The following TRPM1 variants were observed in gnomAD, a reference collection of about 807,000 sequenced individuals.
The protein encoded by TRPM1 is TRPM1-203 APA Isoform, Intron 10.
Under a neutral mutation model 149.4 loss-of-function variants are expected in TRPM1, and 113 were observed. The observed-to-expected ratio is 0.76, with a 90% CI of 0.65 to 0.88. The LOEUF (loss-of-function observed/expected upper bound fraction) is 0.88. TRPM1 is among the 40% of genes least tolerant of loss of function. The pLI, the probability that TRPM1 is intolerant of heterozygous loss-of-function variation, is 0.00. For missense variants in TRPM1, 1,976 were observed against 2,038.7 expected, an observed-to-expected ratio of 0.97 and a Z score of 0.59; for synonymous variants, 741 against 759.5, an observed-to-expected ratio of 0.98 and a Z score of 0.40.
chr15:31,117,474 G>A (rs1179378669), intron 1 of TRPM1, among the ~76,000 whole-genome samples: 2 of 150,878 alleles, frequency 1.3e-5, no homozygotes, highest in Admixed American at 6.6e-5. Flanking sequence ...CAACAAGATC[G>A]AAACTCTGTC....
chr15:31,045,583 GGGCAT>G (rs1316406141), intron 16 of TRPM1, among the ~76,000 whole-genome samples: 1 of 152,146 alleles, frequency 6.6e-6, no homozygotes, highest in African/African-American at 2.4e-5. Flanking sequence ...CAATGATATT[GGGCAT>G]GCTTGTCTTG....
chr15:31,082,979 G>T (rs2034902291), intron 1 of TRPM1, among the ~76,000 whole-genome samples: 1 of 152,050 alleles, frequency 6.6e-6, no homozygotes, highest in Admixed American at 6.5e-5. Context: ...ACAGGTGGGG[G>T]CGACCCACAA....
chr15:31,104,164 G>A (rs574500145), upstream of TRPM1, among the ~76,000 whole-genome samples: 1 of 152,152 alleles, frequency 6.6e-6, no homozygotes, highest in Non-Finnish European at 1.5e-5. Context: ...CGGGGGTGCA[G>A]TCCTTCTCCT....
intron 1 of TRPM1, among the ~76,000 whole-genome samples, chr15:31,115,281 A>C (rs1449710667): frequency 3.3e-5 from 5 of 152,142 alleles, no homozygotes; most frequent in Non-Finnish European, 7.4e-5. Flanking sequence ...ATAGATAAGT[A>C]AAAAGTAAAA....
Position 31,031,040 on chromosome 15 carries a change from T to C in TRPM1, c.3070A>G (p.Ile1024Val), listed in dbSNP as rs369484186. 3.1e-6 allele frequency: 5 copies of C among 1,614,224 alleles called. No individual in the cohort carries two copies. The highest frequency in any genetic ancestry group is 2.2e-5 in the East Asian group (1 of 44,886). Residue 1024 changes from isoleucine to valine, a missense_variant, in exon 23 of 28, where the codon ATC becomes GTC. Physicochemically the swap from Ile to Val is conservative, Grantham distance 29. Coordinates refer to ENST00000256552, the MANE Select transcript of TRPM1 (RefSeq NM_001252024.2). ...ATCATCCAGTAGGGCATGTAGAAGA[T>C]GTTTCGGGCCAGTTTCCAAGAGGGC... ...EKPSWKLARN[I>V]FYMPYWMIYG...
chr15:31,010,422 T>G (rs1166071458), intron 27 of TRPM1, among the ~76,000 whole-genome samples: 1 of 152,242 alleles, frequency 6.6e-6, no homozygotes, highest in Non-Finnish European at 1.5e-5. Context: ...GTTATAAATA[T>G]CCTTCTGAAT....
chr15:31,124,335 C>A (rs749075057), intron 1 of TRPM1, among the ~76,000 whole-genome samples: 2 of 151,970 alleles, frequency 1.3e-5, no homozygotes, highest in Non-Finnish European at 2.9e-5. Flanking sequence ...TTTGCAGGAC[C>A]TTAAATGATA....
At chr15:31,125,869 G>A (rs2035944830) in intron 1 of TRPM1, among the ~76,000 whole-genome samples, 1 of 151,964 alleles carries the variant, frequency 6.6e-6, no homozygotes. Flanking sequence ...AGTGGCTGAC[G>A]CTTGTAATCC....
intron 11 of TRPM1, among the ~76,000 whole-genome samples, chr15:31,054,383 C>T (rs2034030244): frequency 6.6e-6 from 1 of 152,146 alleles, no homozygotes; most frequent in African/African-American, 2.4e-5. Flanking sequence ...CAACCTCCGG[C>T]TCCCAGGTTC....
chr15:31,143,251 G>A (rs1442434354), intron 1 of TRPM1, among the ~76,000 whole-genome samples: 3 of 152,244 alleles, frequency 2.0e-5, no homozygotes, highest in Admixed American at 6.5e-5. Context: ...AAACTGATGG[G>A]TTTGTGAAAC....
intron 7 of TRPM1, among the ~76,000 whole-genome samples, chr15:31,064,865 G>A (rs1370088351): frequency 7.9e-5 from 12 of 152,156 alleles, no homozygotes; most frequent in Non-Finnish European, 1.5e-5. Flanking sequence ...CCCTGACCAG[G>A]AGATATTGGA....
At chr15:31,004,650 A>T (rs1157279428) in intron 27 of TRPM1, among the ~76,000 whole-genome samples, 1 of 152,160 alleles carries the variant, frequency 6.6e-6, no homozygotes, top group African/African-American at 2.4e-5. Context: ...TTCACCATGC[A>T]TGAGAAGTCC....
intron 18 of TRPM1, among the ~76,000 whole-genome samples, chr15:31,039,738 G>C (rs1053936550): frequency 6.6e-6 from 1 of 152,176 alleles, no homozygotes; most frequent in African/African-American, 2.4e-5. Context: ...TCTAGAAACA[G>C]AGTTCCAGTC....
chr15:31,147,731 C>T (rs2036240455), intron 1 of TRPM1, among the ~76,000 whole-genome samples: 1 of 152,214 alleles, frequency 6.6e-6, no homozygotes, highest in Admixed American at 6.5e-5. Flanking sequence ...AGACATTTAC[C>T]TGTGTTCATT....
chr15:31,066,866 G>A (rs1567030066), intron 6 of TRPM1, among the ~76,000 whole-genome samples, 197 bp downstream of exon 6: 2 of 152,108 alleles, frequency 1.3e-5, no homozygotes, highest in Non-Finnish European at 2.9e-5. Context: ...GAAACATTCT[G>A]CACCTTGACC....
At chr15:31,156,417 T>G (rs1396185625) in intron 1 of TRPM1, among the ~76,000 whole-genome samples, 1 of 152,078 alleles carries the variant, frequency 6.6e-6, no homozygotes, top group Non-Finnish European at 1.5e-5. Flanking sequence ...AGGAAACATT[T>G]GCCATCTATT....
At chr15:31,147,657 G>A (rs1365641325) in intron 1 of TRPM1, among the ~76,000 whole-genome samples, 2 of 152,200 alleles carry the variant, frequency 1.3e-5, no homozygotes, top group Non-Finnish European at 2.9e-5. Flanking sequence ...CGAGGTGCGA[G>A]CGAGGCCTGT....
At chr15:31,036,012 C>G (rs2033351685) in intron 20 of TRPM1, 1 of 371,050 alleles carries the variant, frequency 2.7e-6, no homozygotes, top group African/African-American at 2.1e-5. Context: ...GTGTCTTCTA[C>G]ATTCCTGGAA....
At chr15:31,026,823 G>A in intron 26 of TRPM1, 92 bp downstream of exon 26, 1 of 1,344,662 alleles carries the variant, frequency 7.4e-7, no homozygotes, top group South Asian at 1.2e-5. Flanking sequence ...TTTCACACGA[G>A]CAAGTAGTTG....
Sources: gnomAD v4.1 joint callset for allele counts (sites outside exome capture counted in the v4.1 genomes callset) on GRCh38, gnomAD v4.1.1 for gene constraint, MANE v1.5 for transcripts, NCBI Gene and HGNC (gene_info 2026-07-23, HGNC 2026-07-21) for gene names.